The following ANKS1B variants were observed in gnomAD, a reference collection of about 807,000 sequenced individuals.
ANKS1B encodes ankyrin repeat and sterile alpha motif domain containing 1B.
In ANKS1B, 36 loss-of-function variants were observed where a neutral mutation model predicts 148.3. The observed-to-expected ratio is 0.24, with a 90% confidence interval of 0.19 to 0.32. ANKS1B has a LOEUF of 0.32. Among genes scored for constraint, ANKS1B ranks in the 10% least tolerant of loss-of-function variants. The probability of loss-of-function intolerance (pLI) is 1.00; values close to 1 mark genes in which losing one functional copy is unlikely to be tolerated. For missense variants in ANKS1B, 1,157 were observed against 1,542.6 expected (o/e 0.75, Z 4.19); for synonymous variants, 542 against 560.8 (o/e 0.97, Z 0.47).
At chr12:99,074,969 C>A (rs2047383198) in intron 16 of ANKS1B, among the ~76,000 whole-genome samples, 1 of 152,132 alleles carries the variant, frequency 6.6e-6, no homozygotes, top group African/African-American at 2.4e-5. Flanking sequence ...AATGGGAACA[C>A]AGAAGGGTTA....
At chr12:98,947,133 A>C (rs1237253607) in intron 17 of ANKS1B, among the ~76,000 whole-genome samples, 1 of 152,078 alleles carries the variant, frequency 6.6e-6, no homozygotes, top group Non-Finnish European at 1.5e-5. Context: ...GGCAGGGGTT[A>C]ACAGGGAGCC....
chr12:99,167,574 A>T (rs1489167664), intron 14 of ANKS1B, among the ~76,000 whole-genome samples: 2 of 152,184 alleles, frequency 1.3e-5, no homozygotes, highest in African/African-American at 4.8e-5. Flanking sequence ...GATGCGAATT[A>T]AGAGAAACTC....
chr12:98,805,485 T>A, intron 20 of ANKS1B, among the ~76,000 whole-genome samples: 1 of 152,228 alleles, frequency 6.6e-6, no homozygotes. Context: ...AACTGCCAAC[T>A]ATAAATCTGT....
intron 25 of ANKS1B, among the ~76,000 whole-genome samples, chr12:98,758,874 G>A (rs1592884906): frequency 7.0e-6 from 1 of 143,594 alleles, no homozygotes; most frequent in Admixed American, 7.1e-5. Flanking sequence ...TCCACCTCCC[G>A]GGTTCAAGTG....
intron 17 of ANKS1B, among the ~76,000 whole-genome samples, chr12:98,980,350 G>A (rs916027979): frequency 8.5e-5 from 13 of 152,072 alleles, no homozygotes; most frequent in African/African-American, 1.4e-4. Context: ...ACAGGCACCC[G>A]CCACCACGCC....
intron 15 of ANKS1B, chr12:99,104,737 C>G (rs761923118): frequency 2.0e-5 from 3 of 152,268 alleles, no homozygotes; most frequent in Non-Finnish European, 2.9e-5. Flanking sequence ...AATTCTTCCT[C>G]TCTCTCTTTA....
intron 10 of ANKS1B, among the ~76,000 whole-genome samples, chr12:99,477,042 C>G (rs2096335744): frequency 6.6e-6 from 1 of 152,146 alleles, no homozygotes; most frequent in Non-Finnish European, 1.5e-5. Flanking sequence ...AGTGCTCCAT[C>G]AAAATGAGTG....
intron 1 of ANKS1B, among the ~76,000 whole-genome samples, chr12:99,921,508 T>C (rs1015685072): frequency 6.6e-6 from 1 of 152,126 alleles, no homozygotes; most frequent in Non-Finnish European, 1.5e-5. Flanking sequence ...GGGTATCTTC[T>C]TCAAGTGTTT....
At chr12:99,317,074 T>C (rs1210649933) in intron 12 of ANKS1B, among the ~76,000 whole-genome samples, 1 of 152,204 alleles carries the variant, frequency 6.6e-6, no homozygotes, top group Non-Finnish European at 1.5e-5. Context: ...ACTGTAGCCT[T>C]GTAGTATAAT....
intron 17 of ANKS1B, among the ~76,000 whole-genome samples, chr12:98,923,640 A>T (rs1358529632): frequency 6.6e-6 from 1 of 152,198 alleles, no homozygotes; most frequent in Non-Finnish European, 1.5e-5. Context: ...TTTTTAGATA[A>T]CTGATAAACC....
chr12:99,184,386 G>A (rs1324078220), intron 14 of ANKS1B, among the ~76,000 whole-genome samples: 1 of 152,184 alleles, frequency 6.6e-6, no homozygotes, highest in Admixed American at 6.5e-5. Flanking sequence ...AGGAGGTACA[G>A]TTTAGCTCCA....
intron 17 of ANKS1B, among the ~76,000 whole-genome samples, chr12:98,985,694 A>G (rs1366759152): frequency 6.6e-6 from 1 of 152,012 alleles, no homozygotes; most frequent in Non-Finnish European, 1.5e-5. Context: ...CTTTCATTTT[A>G]CTTCTAAGAT....
At chr12:99,252,469 A>G (rs1438610161) in intron 12 of ANKS1B, among the ~76,000 whole-genome samples, 1 of 152,240 alleles carries the variant, frequency 6.6e-6, no homozygotes, top group Non-Finnish European at 1.5e-5. Context: ...AGCAAAATAA[A>G]GGAAAAACAC....
intron 10 of ANKS1B, among the ~76,000 whole-genome samples, chr12:99,483,207 A>G (rs1278046769): frequency 1.3e-5 from 2 of 151,572 alleles, no homozygotes; most frequent in Non-Finnish European, 3.0e-5. Context: ...TTTTTATCAC[A>G]AAAGTATGCT....
intron 24 of ANKS1B, among the ~76,000 whole-genome samples, chr12:98,775,200 G>A (rs750459126): frequency 2.8e-4 from 43 of 152,084 alleles, no homozygotes; most frequent in Non-Finnish European, 4.7e-4. Context: ...TTGTGTTCTT[G>A]AGATCTTTTG....
Position 99,211,152 on chromosome 12 carries a change from G to C in ANKS1B, c.2419+33190C>G, listed in dbSNP as rs117785039. The stretch of plus-strand genomic sequence containing the variant: ...GTGGTAACTTAGGGCTAATGCCCCT[G>C]GGGGAGCATGACCAAAAGGGGGAAA... On this transcript the variant is annotated intron_variant, in intron 14 of 26. Transcript: ENST00000683438. Among the ~76,000 whole-genome samples, 828 of 152,300 alleles carry C rather than the reference G, an allele frequency of 5.4e-3. 46 individuals are homozygous for C. In the East Asian group the frequency reaches 0.11, roughly 21 times the overall value.
At chr12:98,772,359 G>A (rs778172048) in intron 25 of ANKS1B, among the ~76,000 whole-genome samples, 2 of 152,192 alleles carry the variant, frequency 1.3e-5, no homozygotes, top group South Asian at 2.1e-4. Context: ...GAGGAAAGGC[G>A]ATGTGAGGAC....
chr12:98,799,560 G>A (rs980436299), intron 21 of ANKS1B, among the ~76,000 whole-genome samples: 3 of 151,886 alleles, frequency 2.0e-5, no homozygotes, highest in African/African-American at 7.3e-5. Flanking sequence ...GGCATTCTCA[G>A]TTGTTTCCCA....
chr12:99,789,864 A>G (rs1249045423), intron 4 of ANKS1B, among the ~76,000 whole-genome samples: 1 of 152,210 alleles, frequency 6.6e-6, no homozygotes, highest in East Asian at 1.9e-4. Flanking sequence ...TTCAAGATCT[A>G]GACAACAGTC....
Sources: allele counts gnomAD v4.1 joint callset (sites outside exome capture counted in the v4.1 genomes callset), GRCh38; gene constraint gnomAD v4.1.1; transcripts MANE v1.5; gene names NCBI Gene and HGNC (gene_info 2026-07-23, HGNC 2026-07-21).